DYNC1I1: variants seen among roughly 807,000 people sequenced by gnomAD.
DYNC1I1 encodes the protein dynein cytoplasmic 1 intermediate chain 1, also known as cytoplasmic dynein 1 intermediate chain 1.
DYNC1I1 carries 43 observed loss-of-function variants against 86.6 expected under a neutral mutation model. The observed-to-expected ratio is 0.50, with a 90% CI of 0.39 to 0.64. DYNC1I1 has a LOEUF of 0.64. Ranked by LOEUF, DYNC1I1 falls within the 30% of genes least tolerant of loss-of-function variation. DYNC1I1 has a pLI of 0.00. For synonymous variants in DYNC1I1, 262 were observed against 283.7 expected, an observed-to-expected ratio of 0.92 and a Z score of 0.77; for missense variants, 604 against 788.8, an observed-to-expected ratio of 0.77 and a Z score of 2.81.
chr7:95,908,826 A>AAAG (rs1267777075), intron 6 of DYNC1I1, among the ~76,000 whole-genome samples: 1 of 152,162 alleles, frequency 6.6e-6, no homozygotes, highest in Non-Finnish European at 1.5e-5. Context: ...TCACCACATT[A>AAAG]TCATATCCAG....
chr7:95,978,513 C>T (rs1219769589), intron 7 of DYNC1I1, among the ~76,000 whole-genome samples: 2 of 152,126 alleles, frequency 1.3e-5, no homozygotes, highest in African/African-American at 2.4e-5. Flanking sequence ...AAATGAAGAG[C>T]GGGACCTAAG....
At chr7:96,034,072 T>C (rs1282036629) in intron 12 of DYNC1I1, among the ~76,000 whole-genome samples, 1 of 151,958 alleles carries the variant, frequency 6.6e-6, no homozygotes, top group Non-Finnish European at 1.5e-5. Context: ...AAAGGAAATA[T>C]GGAAACTGTG....
At chr7:95,898,329 G>C (rs1197427565) in intron 6 of DYNC1I1, among the ~76,000 whole-genome samples, 1 of 152,146 alleles carries the variant, frequency 6.6e-6, no homozygotes, top group Non-Finnish European at 1.5e-5. Context: ...TTAGATTGTT[G>C]TTCCAAGGTT....
At chr7:95,994,288 A>G (rs1246420356) in intron 9 of DYNC1I1, among the ~76,000 whole-genome samples, 1 of 152,116 alleles carries the variant, frequency 6.6e-6, no homozygotes. Flanking sequence ...ACCAGTCCCT[A>G]CTCTCAAAGA....
At chr7:95,829,604 T>G (rs1251963109) in intron 5 of DYNC1I1, among the ~76,000 whole-genome samples, 1 of 152,120 alleles carries the variant, frequency 6.6e-6, no homozygotes, top group African/African-American at 2.4e-5. Context: ...TTAGACAGAT[T>G]GCAGCAGTGC....
chr7:96,045,330 T>G (rs1789177853), intron 14 of DYNC1I1, among the ~76,000 whole-genome samples: 1 of 152,072 alleles, frequency 6.6e-6, no homozygotes, highest in South Asian at 2.1e-4. Flanking sequence ...TGAAGTCTAG[T>G]GAGGGTGGAA....
intron 10 of DYNC1I1, among the ~76,000 whole-genome samples, chr7:96,003,321 C>A (rs181085245): frequency 6.6e-6 from 1 of 152,328 alleles, no homozygotes; most frequent in East Asian, 1.9e-4. Context: ...CTACGTAGCT[C>A]ACATGGCTAC....
At chr7:95,870,591 A>AAC in intron 6 of DYNC1I1, among the ~76,000 whole-genome samples, 1 of 152,260 alleles carries the variant, frequency 6.6e-6, no homozygotes, top group African/African-American at 2.4e-5. Flanking sequence ...AATTGAGGTA[A>AAC]CAACACACGA....
At chr7:96,016,329 T>C (rs1584252678) in intron 10 of DYNC1I1, among the ~76,000 whole-genome samples, 1 of 151,290 alleles carries the variant, frequency 6.6e-6, no homozygotes, top group East Asian at 1.9e-4. Flanking sequence ...TAATGGTCTC[T>C]CTATAATTTC....
At chr7:95,790,879 G>A (rs1437735806) in intron 1 of DYNC1I1, among the ~76,000 whole-genome samples, 1 of 152,130 alleles carries the variant, frequency 6.6e-6, no homozygotes, top group African/African-American at 2.4e-5. Flanking sequence ...TACCTTAGAG[G>A]CCTCTTCTCT....
chr7:96,055,516 A>G (rs1158359602), intron 14 of DYNC1I1, among the ~76,000 whole-genome samples: 1 of 152,194 alleles, frequency 6.6e-6, no homozygotes, highest in Non-Finnish European at 1.5e-5. Context: ...ATCTTCCAAT[A>G]TGTTTTGTCC....
At chr7:95,941,572 C>A (rs902711538) in intron 6 of DYNC1I1, among the ~76,000 whole-genome samples, 1 of 152,214 alleles carries the variant, frequency 6.6e-6, no homozygotes, top group African/African-American at 2.4e-5. Context: ...TGCTAGCAAT[C>A]AGTGAGATTC....
intron 14 of DYNC1I1, among the ~76,000 whole-genome samples, chr7:96,055,523 G>C (rs1162773297): frequency 6.6e-6 from 1 of 151,820 alleles, no homozygotes; most frequent in African/African-American, 2.4e-5. Flanking sequence ...AATATGTTTT[G>C]TCCCATGTTG....
intron 14 of DYNC1I1, among the ~76,000 whole-genome samples, chr7:96,070,322 A>AT (rs1162700475): frequency 6.6e-6 from 1 of 152,216 alleles, no homozygotes; most frequent in Admixed American, 6.5e-5. Context: ...GGAAGCATCC[A>AT]TTTTTGTGTG....
At chr7:95,891,790 G>T (rs1267113315) in intron 6 of DYNC1I1, among the ~76,000 whole-genome samples, 1 of 152,096 alleles carries the variant, frequency 6.6e-6, no homozygotes, top group African/African-American at 2.4e-5. Flanking sequence ...ATGATTTGGG[G>T]TGTGTACTCT....
chr7:96,061,994 A>C (rs898190589), intron 14 of DYNC1I1, among the ~76,000 whole-genome samples: 12 of 152,138 alleles, frequency 7.9e-5, no homozygotes, highest in Non-Finnish European at 1.5e-4. Context: ...TTAGCCAAAA[A>C]CCCAGGCCTT....
At chr7:95,851,264 G>A (rs1479412627) in intron 5 of DYNC1I1, among the ~76,000 whole-genome samples, 1 of 152,054 alleles carries the variant, frequency 6.6e-6, no homozygotes, top group African/African-American at 2.4e-5. Context: ...TGATAACTGA[G>A]ATGAATACTA....
intron 6 of DYNC1I1, among the ~76,000 whole-genome samples, chr7:95,940,797 C>T (rs1340594814): frequency 6.6e-6 from 1 of 152,218 alleles, no homozygotes; most frequent in Non-Finnish European, 1.5e-5. Context: ...CTTCTCTCAA[C>T]TTGTCAAAGT....
chr7:95,792,224 C>T (rs547684452), intron 1 of DYNC1I1, among the ~76,000 whole-genome samples: 7 of 152,244 alleles, frequency 4.6e-5, no homozygotes, highest in African/African-American at 9.6e-5. Flanking sequence ...AGCAGAACTA[C>T]GTGCAGGGTA....
Sources: allele counts gnomAD v4.1 joint callset (sites outside exome capture counted in the v4.1 genomes callset), GRCh38; gene constraint gnomAD v4.1.1; transcripts MANE v1.5; gene names NCBI Gene and HGNC (gene_info 2026-07-23, HGNC 2026-07-21).